FBF1: variants seen among roughly 807,000 people sequenced by gnomAD.
The protein encoded by FBF1 is Fas binding factor 1.
In FBF1, 119 loss-of-function variants were observed where a neutral mutation model predicts 147.2. That is an observed-to-expected ratio of 0.81 (90% CI 0.70 to 0.94). The LOEUF is 0.94. FBF1 is among the 40% of genes least tolerant of loss of function. The pLI, the probability that FBF1 is intolerant of heterozygous loss-of-function variation, is 0.00. For missense variants in FBF1, 1,449 were observed against 1,500.8 expected (o/e 0.97, Z 0.57); for synonymous variants, 601 against 609.0 (o/e 0.99, Z 0.19).
intron 6 of FBF1, among the ~76,000 whole-genome samples, chr17:75,930,837 G>A (rs1008294328): frequency 1.3e-5 from 2 of 152,048 alleles, no homozygotes; most frequent in Non-Finnish European, 2.9e-5. Flanking sequence ...CAGGAGAATC[G>A]CTTGAACCAG....
rs1297517519 is a variant in FBF1 at position 75,929,977 on chromosome 17, C to G, written c.279+20G>C. The G allele has an allele frequency of 1.2e-5, 6 of 518,346 alleles. No individual in the cohort carries two copies. The highest frequency in any genetic ancestry group is 1.7e-5 in the Non-Finnish European group (6 of 344,186). 32.1% of individuals were successfully genotyped at this position (518,346 alleles called of 1,614,324 possible). A position where few individuals can be genotyped will look rare whatever the true frequency, so the allele number is the denominator to read the frequency against. Reference sequence around the variant, plus strand: ...CCCACCCACCCCCAGTTCTAAGAATCGTGCAAGCTGTTTCCTTACCTTCAT... The same window carrying G: ...CCCACCCACCCCCAGTTCTAAGAATGGTGCAAGCTGTTTCCTTACCTTCAT... On this transcript the variant is annotated intron_variant, in intron 7 of 29. Transcript: ENST00000636174.
At chr17:75,933,204 GCCAAATAGGCAGGT>G (rs2065604923) in intron 4 of FBF1, 116 bp from the exon 5 acceptor site, 3 of 704,066 alleles carry the variant, frequency 4.3e-6, no homozygotes, top group Middle Eastern at 2.5e-4. Context: ...AAGAAATCTG[GCCAAATAGGCAGGT>G]CCCAATGTCA....
At position 75,928,030 on chromosome 17, in the gene FBF1, C is replaced by T. The variant is rs767563855; in HGVS notation, c.397+46G>A. The T allele has an allele frequency of 2.7e-5, 40 of 1,492,654 alleles. No individual in the cohort carries two copies. Among genetic ancestry groups the T allele is most frequent in the African/African-American group, 6.9e-5 (5 of 72,004 alleles). The allele number at this position is 1,492,654 out of a possible 1,614,324, so 92.5% of individuals were successfully genotyped here. ...GTCCTCAAAGTCTCCCTAGCAGATG[C>T]GAGGAGCCGTCTCCCATGCACCTTT... On this transcript the variant is annotated intron_variant, in intron 8 of 29. Transcript: ENST00000636174. The surrounding 1 kb of genome is among the most constrained non-coding windows in gnomAD (Gnocchi z 4.2).
In FBF1 at chr17:75,935,659, AATC is replaced by A; in HGVS notation, c.43_45del (p.Asp15del). On this transcript the variant is annotated inframe_deletion, in exon 4 of 30. Coordinates refer to ENST00000636174, the MANE Select transcript of FBF1 (RefSeq NM_001319193.2). ...TCATCCCCTAGAAGGTCACCAAGAA[AATC>A]ATCAATGGAGCCTGGAACAGAAAAG... 3 of 1,537,052 alleles carry A rather than the reference AATC, an allele frequency of 2.0e-6. No individual in the cohort carries two copies. The highest frequency in any genetic ancestry group is 2.6e-6 in the Non-Finnish European group (3 of 1,146,822).
chr17:75,936,053 C>T (rs1159630710), intron 3 of FBF1, among the ~76,000 whole-genome samples: 1 of 152,010 alleles, frequency 6.6e-6, no homozygotes, highest in East Asian at 1.9e-4. Context: ...TGGCTCACAC[C>T]TGCAATCCCA....
chr17:75,914,485 G>C, intron 25 of FBF1, 187 bp from the exon 26 acceptor site: 1 of 970,464 alleles, frequency 1.0e-6, no homozygotes, highest in Non-Finnish European at 1.5e-6. Context: ...CGTGACTGTG[G>C]CAGGCTCAAC....
chr17:75,921,383 C>G lies in FBF1; in HGVS notation c.1616-81G>C, dbSNP rs573288571. On this transcript the variant is annotated intron_variant, in intron 16 of 29. Transcript: ENST00000636174. ...GTGTCCAGGAGGGGCTGGTGTAACTCATGTCCCAGGGACCCCAAAGGAAGC... is the reference window on the plus strand; with the variant it reads ...GTGTCCAGGAGGGGCTGGTGTAACTGATGTCCCAGGGACCCCAAAGGAAGC... 8 of 1,550,666 alleles carry G rather than the reference C, an allele frequency of 5.2e-6. No individual in the cohort carries two copies. In the Admixed American group the frequency reaches 9.6e-5, roughly 19 times the overall value.
At chr17:75,936,463 G>A (rs1238090580) in intron 3 of FBF1, among the ~76,000 whole-genome samples, 1 of 151,916 alleles carries the variant, frequency 6.6e-6, no homozygotes, top group Middle Eastern at 3.2e-3. Context: ...CTGCATTCCA[G>A]CCTGGGTGAC....
Position 75,913,941 on chromosome 17 carries a change from AGCC to A in FBF1, c.3098_3100del (p.Arg1033del). ...GTGCATGTGCTGCTCCTGCTTCCGC[AGCC>A]GCTCCTGCTGTTGCTGCACCGCCTG... On this transcript the variant is annotated inframe_deletion, in exon 27 of 30. Transcript: ENST00000636174. 6.5e-7 allele frequency: 1 copy of A among 1,548,828 alleles called. No individual in the cohort carries two copies. Among genetic ancestry groups the A allele is most frequent in the Non-Finnish European group, 8.7e-7 (1 of 1,152,564 alleles).
At position 75,910,567 on chromosome 17, in the gene FBF1, G is replaced by C. The variant is rs556339946; in HGVS notation, c.*156C>G. On this transcript the variant is annotated 3_prime_UTR_variant, in exon 30 of 30. Coordinates refer to ENST00000636174, the MANE Select transcript of FBF1 (RefSeq NM_001319193.2). This position sits in a 1 kb window ranked among gnomAD's most constrained non-coding sequence, Gnocchi z 4.1. Reference sequence around the variant, plus strand: ...GGGGCTGCCCCGGGCTGGCACATTTGGAAAGGATGCACTTGCACCCTGTCC... The same window carrying C: ...GGGGCTGCCCCGGGCTGGCACATTTCGAAAGGATGCACTTGCACCCTGTCC... The C allele has an allele frequency of 4.6e-6, 3 of 652,262 alleles. No homozygotes were observed. In the East Asian group the frequency reaches 8.4e-5, roughly 18 times the overall value. The allele number at this position is 652,262 out of a possible 1,614,324, so 40.4% of individuals were successfully genotyped here.
rs534775690 is a variant in FBF1, at chr17:75,914,948, G to A, written c.2629-16C>T. ...GCAAGGCGCTCTGGGATGTGGGGGT[G>A]AAGGCACGGGGTGAGTGTCCCTGGG... On this transcript the variant is annotated splice_polypyrimidine_tract_variant and intron_variant, in intron 24 of 29. Coordinates refer to ENST00000636174, the MANE Select transcript of FBF1 (RefSeq NM_001319193.2). The A allele has an allele frequency of 1.2e-6, 2 of 1,611,090 alleles. No individual in the cohort carries two copies. The highest frequency in any genetic ancestry group is 1.7e-6 in the Non-Finnish European group (2 of 1,178,502).
In FBF1 at chr17:75,928,575, C is replaced by T. The variant is rs538159095; in HGVS notation, c.280-382G>A. Among the ~76,000 whole-genome samples the T allele has an allele frequency of 1.2e-4, 18 of 152,024 alleles. No individual in the cohort carries two copies. The highest frequency in any genetic ancestry group is 3.6e-4 in the African/African-American group (15 of 41,468). ...TGCCTAGAATCCCAGCACTTTGGGC[C>T]GAGGCAGGTGGATCACCAGGTCAAG... On this transcript the variant is annotated intron_variant, in intron 7 of 29. Transcript: ENST00000636174. This position sits in a 1 kb window ranked among gnomAD's most constrained non-coding sequence, Gnocchi z 4.2.
intron 16 of FBF1, 58 bp from the exon 17 acceptor site, chr17:75,921,360 G>T: frequency 6.4e-7 from 1 of 1,555,146 alleles, no homozygotes; most frequent in Non-Finnish European, 8.7e-7. Flanking sequence ...GCCTGCGAGT[G>T]TCCAGGAGGG....
intron 5 of FBF1, 140 bp from the exon 6 acceptor site, chr17:75,931,429 G>T: frequency 1.5e-6 from 1 of 664,248 alleles, no homozygotes; most frequent in Non-Finnish European, 2.6e-6. Context: ...AATGTCACAG[G>T]CCACCTGATG....
Position 75,926,152 on chromosome 17 carries a change from C to T in FBF1, c.746G>A (p.Arg249His), listed in dbSNP as rs775681384. The change falls in exon 12 of 30, where the codon CGC becomes CAC. Residue 249 changes from arginine to histidine, a missense_variant. Physicochemically the swap from Arg to His is conservative, Grantham distance 29. Coordinates refer to ENST00000636174, the MANE Select transcript of FBF1 (RefSeq NM_001319193.2). ...CTCATCCAGCGTGGAGCGAGCAGGG[C>T]GAGGCCCTTCCCTGCAGGACGGGAC... The part of the protein sequence containing the change: ...KRQIGDQEGP[R>H]PARSTLDELL... 48 of 1,608,012 alleles carry T rather than the reference C, an allele frequency of 3.0e-5. No individual in the cohort carries two copies. In the Middle Eastern group the frequency reaches 6.6e-4, roughly 22 times the overall value.
chr17:75,916,148 C>A (rs968822885), intron 23 of FBF1, among the ~76,000 whole-genome samples: 12 of 143,058 alleles, frequency 8.4e-5, no homozygotes, highest in Admixed American at 4.8e-4. Flanking sequence ...GGCAAACCCC[C>A]GTTTCTACAA....
chr17:75,910,635 C>T lies in FBF1; in HGVS notation c.*88G>A. 1 of 1,167,976 alleles carries T rather than the reference C, an allele frequency of 8.6e-7. No homozygotes were observed. Among genetic ancestry groups the T allele is most frequent in the Non-Finnish European group, 1.2e-6 (1 of 806,378 alleles). 72.4% of individuals were successfully genotyped at this position (1,167,976 alleles called of 1,614,324 possible). ...AGGCCTCAAGCATCTCAGAATCCTC[C>T]CCAGGCACTGCCTCCATGGAGGCAG... On this transcript the variant is annotated 3_prime_UTR_variant, in exon 30 of 30. Coordinates refer to ENST00000636174, the MANE Select transcript of FBF1 (RefSeq NM_001319193.2). The surrounding 1 kb of genome is among the most constrained non-coding windows in gnomAD (Gnocchi z 4.1).
chr17:75,919,912 A>C lies in FBF1; in HGVS notation c.1932-38T>G, dbSNP rs1476293446. On this transcript the variant is annotated intron_variant, in intron 19 of 29. Coordinates refer to ENST00000636174, the MANE Select transcript of FBF1 (RefSeq NM_001319193.2). This position sits in a 1 kb window ranked among gnomAD's most constrained non-coding sequence, Gnocchi z 5.0. ...CACCCAGCCATGGCGCAAGGAAGGC[A>C]GAGGGCTGCCGCCTAAAGGCCTCTC... The C allele has an allele frequency of 6.2e-7, 1 of 1,613,134 alleles. No homozygotes were observed.
intron 17 of FBF1, 72 bp from the exon 18 acceptor site, chr17:75,920,501 G>A: frequency 6.8e-7 from 1 of 1,460,550 alleles, no homozygotes; most frequent in Admixed American, 2.2e-5. Context: ...GCTACCTCCT[G>A]GCCCACTGCT....
Sources: allele counts gnomAD v4.1 joint callset (sites outside exome capture counted in the v4.1 genomes callset), GRCh38; gene constraint gnomAD v4.1.1; non-coding constraint Gnocchi (gnomAD v3.1); transcripts MANE v1.5; gene names NCBI Gene and HGNC (gene_info 2026-07-23, HGNC 2026-07-21).